Variants in EIF4ENIF1 observed in about 807,000 individuals in gnomAD.
The protein encoded by EIF4ENIF1 is eukaryotic translation initiation factor 4E transporter.
Under a neutral mutation model 110.5 loss-of-function variants are expected in EIF4ENIF1, and 23 were observed. The observed-to-expected ratio is 0.21, with a 90% CI of 0.15 to 0.29. The LOEUF is 0.29. Ranked by LOEUF, EIF4ENIF1 falls within the 10% of genes least tolerant of loss-of-function variation. The probability of loss-of-function intolerance (pLI) is 1.00; values close to 1 mark genes in which losing one functional copy is unlikely to be tolerated. For synonymous variants in EIF4ENIF1, 440 were observed against 437.0 expected, an observed-to-expected ratio of 1.01 and a Z score of -0.09; for missense variants, 1,031 against 1,221.1, an observed-to-expected ratio of 0.84 and a Z score of 2.32.
intron 1 of EIF4ENIF1, 60 bp from the exon 2 acceptor site, chr22:31,488,805 C>A: frequency 6.6e-7 from 1 of 1,523,086 alleles, no homozygotes; most frequent in Non-Finnish European, 8.8e-7. Context: ...GAAATCTTGG[C>A]TGTTTCTTCA....
At chr22:31,490,123 C>G (rs112414910), upstream of EIF4ENIF1, among the ~76,000 whole-genome samples, 1,936 of 152,328 alleles carry the variant, frequency 0.013, 31 homozygotes, top group South Asian at 0.045. Context: ...CCAGAGGCCA[C>G]CGCCGCCGCG....
At chr22:31,441,703 A>T in intron 17 of EIF4ENIF1, 71 bp downstream of exon 17, 1 of 1,288,012 alleles carries the variant, frequency 7.8e-7, no homozygotes, top group Non-Finnish European at 1.1e-6. Context: ...ACATTATAGC[A>T]CTTCATCAGT....
At chr22:31,459,127 T>C (rs1161523230) in intron 6 of EIF4ENIF1, among the ~76,000 whole-genome samples, 1 of 152,020 alleles carries the variant, frequency 6.6e-6, no homozygotes, top group Non-Finnish European at 1.5e-5. Flanking sequence ...TGAGTCTCGC[T>C]AAATTGCACA....
intron 7 of EIF4ENIF1, 110 bp from the exon 8 acceptor site, chr22:31,456,097 C>T (rs968943374): frequency 3.6e-6 from 4 of 1,120,878 alleles, no homozygotes; most frequent in Admixed American, 2.5e-5. Flanking sequence ...TGCTCGTGAC[C>T]TGAAGATAAA....
In EIF4ENIF1 at chr22:31,471,869, A is replaced by T; in HGVS notation, c.145T>A (p.Ser49Thr). 1 of 1,607,458 alleles carries T rather than the reference A, an allele frequency of 6.2e-7. No homozygotes were observed. Among genetic ancestry groups the T allele is most frequent in the Non-Finnish European group, 8.5e-7 (1 of 1,178,266 alleles). ...KELPHSKQRP[S>T]CLSEKYDSDG... is the part of the protein sequence containing the mutation. ...CTGTCATATTTTTCAGAAAGGCATG[A>T]AGGCCTCTGTTTGGAATGGGGGAGT... The change falls in exon 3 of 19, where the codon TCA becomes ACA. Residue 49 changes from serine (S) to threonine (T), a missense_variant. Coordinates refer to ENST00000330125, the MANE Select transcript of EIF4ENIF1 (RefSeq NM_019843.4).
At chr22:31,492,469 A>G (rs1407550946), upstream of EIF4ENIF1, among the ~76,000 whole-genome samples, 1 of 152,202 alleles carries the variant, frequency 6.6e-6, no homozygotes, top group South Asian at 2.1e-4. Context: ...CCTCTGGTCT[A>G]TCCTACTTAG....
intron 2 of EIF4ENIF1, among the ~76,000 whole-genome samples, chr22:31,473,807 A>T (rs2051474941): frequency 6.6e-6 from 1 of 152,172 alleles, no homozygotes; most frequent in Non-Finnish European, 1.5e-5. Context: ...CTGCTTTCCC[A>T]TTTGCATTTA....
At chr22:31,472,406 TTA>T (rs1447669783) in intron 2 of EIF4ENIF1, among the ~76,000 whole-genome samples, 6 of 152,070 alleles carry the variant, frequency 3.9e-5, no homozygotes, top group Non-Finnish European at 2.9e-5. Context: ...GTGGCTGGAA[TTA>T]CAGGCACACG....
At chr22:31,442,167 T>C (rs2145894067) in intron 16 of EIF4ENIF1, 49 bp from the exon 17 acceptor site, 1 of 1,393,506 alleles carries the variant, frequency 7.2e-7, no homozygotes, top group Non-Finnish European at 9.9e-7. Flanking sequence ...TCCCAAACAC[T>C]TGTGGCCTCC....
chr22:31,437,450 T>TCCCCCCCCCCCCCCCCCCCC (rs368145036), downstream of EIF4ENIF1: 1 of 125,010 alleles, frequency 8.0e-6, no homozygotes, highest in Non-Finnish European at 1.7e-5. Flanking sequence ...TTTGCCTTCA[T>TCCCCCCCCCCCCCCCCCCCC]CCCCCCCCCA....
At chr22:31,456,121 T>A in intron 7 of EIF4ENIF1, 134 bp from the exon 8 acceptor site, 1 of 887,836 alleles carries the variant, frequency 1.1e-6, no homozygotes, top group Non-Finnish European at 1.6e-6. Flanking sequence ...TCTCAGAACC[T>A]AGGAATTTGA....
chr22:31,476,188 G>A (rs555681351), intron 2 of EIF4ENIF1, among the ~76,000 whole-genome samples: 4 of 152,292 alleles, frequency 2.6e-5, no homozygotes, highest in East Asian at 3.9e-4. Flanking sequence ...ACCCCATGCA[G>A]ATACTAAGAA....
At chr22:31,479,094 T>G (rs2051710913) in intron 2 of EIF4ENIF1, among the ~76,000 whole-genome samples, 1 of 151,898 alleles carries the variant, frequency 6.6e-6, no homozygotes, top group African/African-American at 2.4e-5. Context: ...ATTTTTTTTT[T>G]TTTTTGGAGA....
chr22:31,460,333 T>A (rs1164003436), intron 6 of EIF4ENIF1, among the ~76,000 whole-genome samples: 1 of 152,220 alleles, frequency 6.6e-6, no homozygotes, highest in African/African-American at 2.4e-5. Flanking sequence ...TTCCCTTATT[T>A]ATTAAAATAG....
intron 12 of EIF4ENIF1, among the ~76,000 whole-genome samples, chr22:31,449,096 C>T (rs528150886): frequency 1.3e-5 from 2 of 152,164 alleles, no homozygotes; most frequent in African/African-American, 2.4e-5. Flanking sequence ...CTGCAACCTC[C>T]GCCTCTCAGA....
chr22:31,439,586 T>C lies in EIF4ENIF1; in HGVS notation c.*294A>G, dbSNP rs2050229484. 1 of 416,142 alleles carries C rather than the reference T, an allele frequency of 2.4e-6. No homozygotes were observed. Among genetic ancestry groups the C allele is most frequent in the African/African-American group, 2.0e-5 (1 of 49,424 alleles). 25.8% of individuals were successfully genotyped at this position (416,142 alleles called of 1,614,324 possible). A position where few individuals can be genotyped will look rare whatever the true frequency, so the allele number is the denominator to read the frequency against. The stretch of plus-strand genomic sequence containing the variant: ...TATACATTTATTTCCTCAGAACCCT[T>C]AGGTGCCACCTCTTGGTGAGGACAC... On this transcript the variant is annotated 3_prime_UTR_variant, in exon 19 of 19. Coordinates refer to ENST00000330125, the MANE Select transcript of EIF4ENIF1 (RefSeq NM_019843.4).
chr22:31,460,930 G>A (rs367685607), intron 6 of EIF4ENIF1, among the ~76,000 whole-genome samples: 1 of 152,082 alleles, frequency 6.6e-6, no homozygotes, highest in Non-Finnish European at 1.5e-5. Flanking sequence ...AGGCAACAAA[G>A]CAAGACTCCA....
At chr22:31,466,674 G>C (rs1380696643) in intron 4 of EIF4ENIF1, among the ~76,000 whole-genome samples, 5 of 150,800 alleles carry the variant, frequency 3.3e-5, no homozygotes, top group African/African-American at 1.2e-4. Flanking sequence ...GGACACATAG[G>C]AATACTAGGG....
At position 31,439,725 on chromosome 22, in the gene EIF4ENIF1, A is replaced by G. The variant is rs2050233235; in HGVS notation, c.*155T>C. ...CCACTCGACTGGTTAAGATCCTTCC[A>G]TCATAATGCGGACCACACCAGATGC... On this transcript the variant is annotated 3_prime_UTR_variant, in exon 19 of 19. Coordinates refer to ENST00000330125, the MANE Select transcript of EIF4ENIF1 (RefSeq NM_019843.4). The G allele has an allele frequency of 9.5e-7, 1 of 1,054,582 alleles. No individual in the cohort carries two copies. Among genetic ancestry groups the G allele is most frequent in the Non-Finnish European group, 1.3e-6 (1 of 750,178 alleles). 65.3% of individuals were successfully genotyped at this position (1,054,582 alleles called of 1,614,324 possible).
Sources: allele counts gnomAD v4.1 joint callset (sites outside exome capture counted in the v4.1 genomes callset), GRCh38; gene constraint gnomAD v4.1.1; transcripts MANE v1.5; gene names NCBI Gene and HGNC (gene_info 2026-07-23, HGNC 2026-07-21).